CNTNAP4: variants seen among roughly 807,000 people sequenced by gnomAD.
The protein encoded by CNTNAP4 is contactin associated protein family member 4, also known as contactin-associated protein-like 4.
In CNTNAP4, 98 loss-of-function variants were observed where a neutral mutation model predicts 148.4. That is an observed-to-expected ratio of 0.66 (90% CI 0.56 to 0.78). The LOEUF is 0.78. CNTNAP4 is among the 30% of genes least tolerant of loss of function. CNTNAP4 has a pLI of 0.00. For missense variants in CNTNAP4, 1,935 were observed against 1,565.6 expected, an observed-to-expected ratio of 1.24 and a Z score of -3.98; for synonymous variants, 730 against 565.1, an observed-to-expected ratio of 1.29 and a Z score of -4.14.
intron 3 of CNTNAP4, among the ~76,000 whole-genome samples, chr16:76,359,940 C>T (rs975989990): frequency 6.6e-6 from 1 of 152,116 alleles, no homozygotes; most frequent in Non-Finnish European, 1.5e-5. Context: ...ACTTTACAGG[C>T]AAATTCTCCA....
At chr16:76,314,279 C>A (rs1459613100) in intron 1 of CNTNAP4, among the ~76,000 whole-genome samples, 1 of 152,164 alleles carries the variant, frequency 6.6e-6, no homozygotes, top group Admixed American at 6.5e-5. Flanking sequence ...AGAAAGGGTT[C>A]TTGAATCTTG....
At chr16:76,305,448 C>A (rs574887135) in intron 1 of CNTNAP4, among the ~76,000 whole-genome samples, 1 of 151,904 alleles carries the variant, frequency 6.6e-6, no homozygotes, top group Non-Finnish European at 1.5e-5. Context: ...ATGTTTATTT[C>A]ATTGTTTTTT....
At chr16:76,395,612 ATATTT>A (rs1479361995) in intron 3 of CNTNAP4, among the ~76,000 whole-genome samples, 2 of 152,102 alleles carry the variant, frequency 1.3e-5, no homozygotes, top group African/African-American at 4.8e-5. Context: ...GGAAAAAATA[ATATTT>A]TATAAGTATC....
At chr16:76,397,014 A>C (rs1389011135) in intron 3 of CNTNAP4, among the ~76,000 whole-genome samples, 1 of 152,146 alleles carries the variant, frequency 6.6e-6, no homozygotes, top group African/African-American at 2.4e-5. Flanking sequence ...CTTGGGACTT[A>C]AGCAATGGAG....
At chr16:76,499,415 T>C (rs2143879365) in intron 15 of CNTNAP4, among the ~76,000 whole-genome samples, 1 of 152,124 alleles carries the variant, frequency 6.6e-6, no homozygotes, top group East Asian at 1.9e-4. Context: ...CAGTTAAGAA[T>C]GGAAAAGGCC....
chr16:76,388,154 A>G (rs967965864), intron 3 of CNTNAP4, among the ~76,000 whole-genome samples: 1 of 152,186 alleles, frequency 6.6e-6, no homozygotes, highest in African/African-American at 2.4e-5. Context: ...TTGTGGATTT[A>G]GCCAGATCAG....
chr16:76,528,624 A>T (rs947114432), intron 17 of CNTNAP4, among the ~76,000 whole-genome samples: 11 of 152,194 alleles, frequency 7.2e-5, no homozygotes, highest in African/African-American at 2.7e-4. Context: ...ACCACGTGAA[A>T]GAATCCAGTG....
chr16:76,381,993 G>C (rs892769972), intron 3 of CNTNAP4, among the ~76,000 whole-genome samples: 4 of 150,230 alleles, frequency 2.7e-5, no homozygotes, highest in Admixed American at 2.0e-4. Context: ...CCCAGGAGGC[G>C]GAGCTTGCAG....
At chr16:76,355,545 G>A (rs747924405) in intron 3 of CNTNAP4, 34 bp downstream of exon 3, 3 of 1,506,910 alleles carry the variant, frequency 2.0e-6, no homozygotes, top group Admixed American at 2.1e-5. Flanking sequence ...AGTCTCTCGG[G>A]GAAAAAGTAT....
At chr16:76,415,926 G>A (rs1184896720) in intron 3 of CNTNAP4, among the ~76,000 whole-genome samples, 1 of 56,266 alleles carries the variant, frequency 1.8e-5, no homozygotes, top group African/African-American at 3.9e-5. Context: ...TAGATATACT[G>A]TTTGTTTTTT....
At chr16:76,460,880 G>A (rs1286435460) in intron 8 of CNTNAP4, among the ~76,000 whole-genome samples, 1 of 148,832 alleles carries the variant, frequency 6.7e-6, no homozygotes, top group Admixed American at 6.7e-5. Flanking sequence ...CACTGAATTA[G>A]GGAATACTGA....
Position 76,376,906 on chromosome 16 carries a change from T to TG in CNTNAP4, c.390+21395_390+21396insG, listed in dbSNP as rs1567917789. ...CTCCAGAGAAACAAAACTAACAAGGTTTGTGTGTGTGTGTGTGTGTGTGTG... is the reference window on the plus strand; with the variant it reads ...CTCCAGAGAAACAAAACTAACAAGGTGTTGTGTGTGTGTGTGTGTGTGTGTG... On this transcript the variant is annotated intron_variant, in intron 3 of 23. Transcript: ENST00000611870. Among the ~76,000 whole-genome samples, 1,063 of 120,328 alleles carry TG rather than the reference T, an allele frequency of 8.8e-3. 14 individuals carry two copies. Among genetic ancestry groups the TG allele is most frequent in the African/African-American group, 0.035 (997 of 28,680 alleles). The allele number at this position is 120,328 out of a possible 152,430, so 78.9% of individuals were successfully genotyped here.
chr16:76,492,674 G>C (rs2082266242), intron 13 of CNTNAP4, among the ~76,000 whole-genome samples: 1 of 152,162 alleles, frequency 6.6e-6, no homozygotes, highest in Admixed American at 6.5e-5. Context: ...CAGTGAATAA[G>C]TCTCATGAGA....
chr16:76,558,323 A>G, intron 23 of CNTNAP4, 167 bp from the exon 24 acceptor site: 1 of 549,422 alleles, frequency 1.8e-6, no homozygotes, highest in East Asian at 2.9e-5. Flanking sequence ...CTCAACATAC[A>G]ATAATACTGC....
chr16:76,536,003 A>T (rs1172538313), intron 18 of CNTNAP4, among the ~76,000 whole-genome samples: 27 of 152,172 alleles, frequency 1.8e-4, no homozygotes, highest in Admixed American at 1.8e-3. Context: ...TTACTTAAAT[A>T]TTTGACTCAT....
chr16:76,493,021 G>C (rs1056009175), intron 13 of CNTNAP4, among the ~76,000 whole-genome samples: 1 of 151,356 alleles, frequency 6.6e-6, no homozygotes, highest in East Asian at 1.9e-4. Flanking sequence ...ACTCCAGAAA[G>C]GCATGGAAGA....
At chr16:76,400,734 T>C (rs2078379363) in intron 3 of CNTNAP4, among the ~76,000 whole-genome samples, 1 of 152,160 alleles carries the variant, frequency 6.6e-6, no homozygotes, top group Admixed American at 6.6e-5. Flanking sequence ...AAGGAAGGGG[T>C]CCAGTTTCGG....
In CNTNAP4 at chr16:76,558,604, A is replaced by T; in HGVS notation, c.3848A>T (p.Asp1283Val). ...GAGGCAAAAAGGTCAGAGAATGTAG[A>T]CAGTGCTGAGGCTGTTCTGAAAAGT... Reference protein sequence around the residue: ...RSEAKRSENVDSAEAVLKSEL... With the variant: ...RSEAKRSENVVSAEAVLKSEL... Residue 1283 changes from aspartate (D) to valine (V), a missense_variant, in exon 24 of 24, where the codon GAC (aspartate) becomes GTC (valine). By Grantham distance (152) the Asp-to-Val change is radical (BLOSUM62 -3). Coordinates refer to ENST00000611870, the MANE Select transcript of CNTNAP4 (RefSeq NM_033401.5). 1 of 1,613,560 alleles carries T rather than the reference A, an allele frequency of 6.2e-7. No individual in the cohort carries two copies. Among genetic ancestry groups the T allele is most frequent in the Non-Finnish European group, 8.5e-7 (1 of 1,179,600 alleles).
At chr16:76,324,391 A>C (rs1032812889) in intron 2 of CNTNAP4, among the ~76,000 whole-genome samples, 1 of 152,188 alleles carries the variant, frequency 6.6e-6, no homozygotes, top group African/African-American at 2.4e-5. Flanking sequence ...GAGTTAAGTA[A>C]TCAAGGGTGT....
Sources: allele counts gnomAD v4.1 joint callset (sites outside exome capture counted in the v4.1 genomes callset), GRCh38; gene constraint gnomAD v4.1.1; transcripts MANE v1.5; gene names NCBI Gene and HGNC (gene_info 2026-07-23, HGNC 2026-07-21).